The following MYOCD variants were observed in gnomAD, a reference collection of about 807,000 sequenced individuals.
MYOCD encodes the protein myocardin.
MYOCD carries 32 observed loss-of-function variants against 96.1 expected under a neutral mutation model. The ratio of observed to expected loss-of-function variants is 0.33; its 90% CI spans 0.25 to 0.45. The LOEUF (loss-of-function observed/expected upper bound fraction) is 0.45. Ranked by LOEUF, MYOCD falls within the 20% of genes least tolerant of loss-of-function variation. MYOCD has a pLI of 1.00. For synonymous variants in MYOCD, 469 were observed against 469.0 expected (o/e 1.00, Z 0.00); for missense variants, 1,133 against 1,200.6 (o/e 0.94, Z 0.83).
intron 13 of MYOCD, chr17:12,762,544 C>A: frequency 6.6e-6 from 1 of 152,480 alleles, no homozygotes; most frequent in Admixed American, 6.5e-5. Context: ...ACTGTGATTT[C>A]CAAGGATGCT....
rs2033397927 is a variant in MYOCD at position 12,768,513 on chromosome 17, A to G, written c.*4869A>G. 2 of 152,182 alleles carry G rather than the reference A, an allele frequency of 1.3e-5. No individual in the cohort carries two copies. The highest frequency in any genetic ancestry group is 2.9e-5 in the Non-Finnish European group (2 of 68,034). 9.4% of individuals were successfully genotyped at this position (152,182 alleles called of 1,614,324 possible). A position where few individuals can be genotyped will look rare whatever the true frequency, so the allele number is the denominator to read the frequency against. On this transcript the variant is annotated 3_prime_UTR_variant, in exon 14 of 14. Transcript: ENST00000425538. Reference sequence around the variant, plus strand: ...CTGCTCCCATCGTGAACCCTGGAGCATGCATTTCCTAGAAGTGGTTTCATA... The same window carrying G: ...CTGCTCCCATCGTGAACCCTGGAGCGTGCATTTCCTAGAAGTGGTTTCATA...
chr17:12,763,753 A>G lies in MYOCD; in HGVS notation c.*109A>G. 2.0e-6 allele frequency: 2 copies of G among 1,018,412 alleles called. No individual in the cohort carries two copies. The highest frequency in any genetic ancestry group is 2.8e-6 in the Non-Finnish European group (2 of 715,584). 63.1% of individuals were successfully genotyped at this position (1,018,412 alleles called of 1,614,324 possible). A position where few individuals can be genotyped will look rare whatever the true frequency, so the allele number is the denominator to read the frequency against. On this transcript the variant is annotated 3_prime_UTR_variant, in exon 14 of 14. Coordinates refer to ENST00000425538, the MANE Select transcript of MYOCD (RefSeq NM_001146312.3). ...AACAGAAGAAGAAGAAGAGAATTAA[A>G]AAGAAGCAATGATTTCTGTGCCAAT... is the stretch of plus-strand genomic sequence containing the variant.
chr17:12,762,973 G>A, intron 13 of MYOCD, 100 bp from the exon 14 acceptor site: 1 of 950,908 alleles, frequency 1.1e-6, no homozygotes, highest in Non-Finnish European at 1.6e-6. Flanking sequence ...GGTGACCAGG[G>A]AAGCGTGGCC....
At chr17:12,754,059 G>C (rs2032937785) in intron 10 of MYOCD, among the ~76,000 whole-genome samples, 1 of 99,428 alleles carries the variant, frequency 1.0e-5, no homozygotes, top group African/African-American at 3.7e-5. Context: ...AAAAAGCAAA[G>C]AGGTGTGTGT....
Position 12,753,044 on chromosome 17 carries a change from C to T in MYOCD, c.1756C>T (p.Pro586Ser), listed in dbSNP as rs572077924. ...VSSCPFASQV[P>S]VKRQSSSSEC... ...CAGCTGTCCTTTTGCATCCCAAGTA[C>T]CTGTGAAAAGACAAAGCAGCAGCTC... is the stretch of plus-strand genomic sequence containing the variant. The change falls in exon 10 of 14, where the codon CCT becomes TCT. Residue 586 changes from proline (P) to serine (S), a missense_variant. Coordinates refer to ENST00000425538, the MANE Select transcript of MYOCD (RefSeq NM_001146312.3). 74 of 1,614,200 alleles carry T rather than the reference C, an allele frequency of 4.6e-5. No individual in the cohort carries two copies. The highest frequency in any genetic ancestry group is 6.0e-5 in the Non-Finnish European group (71 of 1,180,034).
At chr17:12,760,463 T>C (rs1160809166) in intron 12 of MYOCD, 187 bp from the exon 13 acceptor site, 2 of 567,238 alleles carry the variant, frequency 3.5e-6, no homozygotes, top group Admixed American at 2.9e-5. Flanking sequence ...ATGTACTTAA[T>C]GCCCCTTAAC....
chr17:12,706,211 A>G (rs1193657164), intron 2 of MYOCD: 1 of 152,240 alleles, frequency 6.6e-6, no homozygotes, highest in Non-Finnish European at 1.5e-5. Context: ...AATAGTAAAC[A>G]GTATGTGACC....
At position 12,746,087 on chromosome 17, in the gene MYOCD, A is replaced by C. The variant is rs749056412; in HGVS notation, c.1125+15A>C. On this transcript the variant is annotated intron_variant, in intron 9 of 13. Coordinates refer to ENST00000425538, the MANE Select transcript of MYOCD (RefSeq NM_001146312.3). ...ATGATCTGAAGGTATAGGATTTGAC[A>C]TGAGTTTCTTTCTTTTTTTAAACAA... 7 of 1,610,754 alleles carry C rather than the reference A, an allele frequency of 4.3e-6. No individual in the cohort carries two copies. The Admixed American group carries it at 8.4e-5, about 19-fold the overall frequency.
chr17:12,711,193 A>T (rs999014692), intron 2 of MYOCD, among the ~76,000 whole-genome samples: 8 of 152,150 alleles, frequency 5.3e-5, no homozygotes, highest in African/African-American at 1.2e-4. Context: ...TATATATATA[A>T]AAAAAATTCT....
intron 5 of MYOCD, among the ~76,000 whole-genome samples, chr17:12,730,262 A>G (rs1035607328): frequency 6.6e-6 from 1 of 152,062 alleles, no homozygotes; most frequent in African/African-American, 2.4e-5. Flanking sequence ...CAACCTGACC[A>G]ACGTGGAGAA....
At chr17:12,740,416 A>T (rs1033914825) in intron 7 of MYOCD, among the ~76,000 whole-genome samples, 3 of 152,220 alleles carry the variant, frequency 2.0e-5, no homozygotes, top group Non-Finnish European at 2.9e-5. Context: ...GTGAGAACAC[A>T]TGATACTTGG....
chr17:12,698,277 T>C (rs2030876893), intron 1 of MYOCD, among the ~76,000 whole-genome samples: 1 of 152,234 alleles, frequency 6.6e-6, no homozygotes, highest in South Asian at 2.1e-4. Flanking sequence ...TTAACTTTTG[T>C]AAGTCTCAGA....
At position 12,763,971 on chromosome 17, in the gene MYOCD, G is replaced by T; in HGVS notation, c.*327G>T. On this transcript the variant is annotated 3_prime_UTR_variant, in exon 14 of 14. Coordinates refer to ENST00000425538, the MANE Select transcript of MYOCD (RefSeq NM_001146312.3). Reference sequence around the variant, plus strand: ...CATAATTTTTCTCAGGCATTGTTGGGGCATAAGCTCACACTGTAAGCTTTT... The same window carrying T: ...CATAATTTTTCTCAGGCATTGTTGGTGCATAAGCTCACACTGTAAGCTTTT... 1 of 208,552 alleles carries T rather than the reference G, an allele frequency of 4.8e-6. No individual in the cohort carries two copies. Among genetic ancestry groups the T allele is most frequent in the Non-Finnish European group, 9.5e-6 (1 of 105,542 alleles). 12.9% of individuals were successfully genotyped at this position (208,552 alleles called of 1,614,324 possible).
At chr17:12,715,606 A>G (rs1376933082) in intron 3 of MYOCD, 32 bp downstream of exon 3, 1 of 1,556,214 alleles carries the variant, frequency 6.4e-7, no homozygotes, top group Non-Finnish European at 8.9e-7. Flanking sequence ...ACCCAAGCTT[A>G]GACTATAGGT....
Position 12,758,226 on chromosome 17 carries a change from T to C in MYOCD, c.2331+13T>C, listed in dbSNP as rs767442122. On this transcript the variant is annotated intron_variant, in intron 12 of 13. Coordinates refer to ENST00000425538, the MANE Select transcript of MYOCD (RefSeq NM_001146312.3). ...TGCCGTAAAGCAGGTAACCATGTGA[T>C]TTGTTCTTTATGGAAGAATAGACTG... The C allele has an allele frequency of 6.2e-7, 1 of 1,614,134 alleles. No individual in the cohort carries two copies. Among genetic ancestry groups the C allele is most frequent in the South Asian group, 1.1e-5 (1 of 91,076 alleles).
intron 1 of MYOCD, among the ~76,000 whole-genome samples, chr17:12,666,918 C>A (rs529648183): frequency 6.6e-6 from 1 of 152,200 alleles, no homozygotes; most frequent in Admixed American, 6.5e-5. Flanking sequence ...GAGCTCTAAC[C>A]GCTTCTCCAG....
chr17:12,687,985 T>G (rs1408456122), intron 1 of MYOCD, among the ~76,000 whole-genome samples: 2 of 152,214 alleles, frequency 1.3e-5, no homozygotes, highest in Admixed American at 6.5e-5. Flanking sequence ...ACACACAGAT[T>G]CCAGTAACTT....
intron 1 of MYOCD, among the ~76,000 whole-genome samples, chr17:12,677,896 G>GTT (rs541655363): frequency 5.4e-4 from 70 of 129,324 alleles, no homozygotes; most frequent in Non-Finnish European, 6.6e-4. Flanking sequence ...TTTCTTTTTT[G>GTT]TTTTTTTTTT....
At chr17:12,684,007 A>G (rs2029954065) in intron 1 of MYOCD, among the ~76,000 whole-genome samples, 1 of 152,232 alleles carries the variant, frequency 6.6e-6, no homozygotes, top group Admixed American at 6.5e-5. Context: ...TTGGCTACCA[A>G]TAATCATAGT....
Sources: allele counts gnomAD v4.1 joint callset (sites outside exome capture counted in the v4.1 genomes callset), GRCh38; gene constraint gnomAD v4.1.1; transcripts MANE v1.5; gene names NCBI Gene and HGNC (gene_info 2026-07-23, HGNC 2026-07-21).